The following KAZN variants were observed in gnomAD, a reference collection of about 807,000 sequenced individuals.
The protein encoded by KAZN is kazrin.
In KAZN, 40 loss-of-function variants were observed where a neutral mutation model predicts 87.4. The ratio of observed to expected loss-of-function variants is 0.46; its 90% CI spans 0.36 to 0.60. KAZN has a LOEUF of 0.60. Ranked by LOEUF, KAZN falls within the 20% of genes least tolerant of loss-of-function variation. The pLI, the probability that KAZN is intolerant of heterozygous loss-of-function variation, is 0.00. For synonymous variants in KAZN, 466 were observed against 458.3 expected (o/e 1.02, Z -0.22); for missense variants, 898 against 1,073.9 (o/e 0.84, Z 2.29).
chr1:14,286,806 T>C (rs936997345), intron 2 of KAZN, among the ~76,000 whole-genome samples: 3 of 152,156 alleles, frequency 2.0e-5, no homozygotes, highest in Admixed American at 2.0e-4. Context: ...CACTCATAAC[T>C]TGAATTTTCT....
chr1:14,466,685 A>C (rs1167804084), intron 2 of KAZN, among the ~76,000 whole-genome samples: 1 of 150,948 alleles, frequency 6.6e-6, no homozygotes, highest in Non-Finnish European at 1.5e-5. Flanking sequence ...AGAAGAAGAA[A>C]CGGCCAGGCG....
At chr1:14,261,600 A>C (rs1178826585) in intron 2 of KAZN, among the ~76,000 whole-genome samples, 1 of 152,160 alleles carries the variant, frequency 6.6e-6, no homozygotes, top group Non-Finnish European at 1.5e-5. Context: ...GGATGTGAGG[A>C]GGCGGAAAAA....
chr1:14,472,643 T>G (rs994092347), intron 2 of KAZN, among the ~76,000 whole-genome samples: 1 of 150,388 alleles, frequency 6.6e-6, no homozygotes, highest in African/African-American at 2.4e-5. Flanking sequence ...CAAAGAAGCT[T>G]CTTTTTTTTT....
chr1:14,694,765 G>A (rs754170791), intron 1 of KAZN, among the ~76,000 whole-genome samples: 1 of 152,162 alleles, frequency 6.6e-6, no homozygotes, highest in African/African-American at 2.4e-5. Context: ...GCTAATAATG[G>A]TGCCCTTCTT....
rs111308531 is a variant in KAZN, at chr1:14,073,405, A to AT, written c.92-107022dup. The stretch of plus-strand genomic sequence containing the variant: ...TATTATTTTACCTATCTTTAAAACA[A>AT]TTTTTTTTATTATACTTTAAGTTCT... On this transcript the variant is annotated intron_variant, in intron 1 of 16. Coordinates refer to the KAZN transcript ENST00000636203. Among the ~76,000 whole-genome samples the AT allele has an allele frequency of 4.2e-3, 640 of 152,114 alleles. 6 individuals are homozygous for AT. The highest frequency in any genetic ancestry group is 0.015 in the African/African-American group (607 of 41,486).
intron 4 of KAZN, among the ~76,000 whole-genome samples, chr1:15,046,591 A>G (rs534108401): frequency 6.6e-6 from 1 of 152,196 alleles, no homozygotes; most frequent in Admixed American, 6.5e-5. Flanking sequence ...AGCATTTGGC[A>G]CCGGGCCTGG....
At chr1:14,320,852 C>A (rs1655997976) in intron 2 of KAZN, among the ~76,000 whole-genome samples, 1 of 152,142 alleles carries the variant, frequency 6.6e-6, no homozygotes, top group South Asian at 2.1e-4. Context: ...AGTCACTCAG[C>A]TCTATAGTCC....
At chr1:14,406,694 T>C (rs1051496257) in intron 2 of KAZN, among the ~76,000 whole-genome samples, 1 of 152,056 alleles carries the variant, frequency 6.6e-6, no homozygotes, top group Non-Finnish European at 1.5e-5. Flanking sequence ...CTATGGAAAT[T>C]AAAAAATTAA....
chr1:14,906,585 C>T (rs944012640), intron 1 of KAZN, among the ~76,000 whole-genome samples: 5 of 151,640 alleles, frequency 3.3e-5, no homozygotes, highest in African/African-American at 1.2e-4. Flanking sequence ...AAAAGGGGCA[C>T]GTTGATATTT....
intron 1 of KAZN, among the ~76,000 whole-genome samples, chr1:14,934,810 C>G (rs1205946775): frequency 2.0e-5 from 3 of 152,190 alleles, no homozygotes; most frequent in Non-Finnish European, 4.4e-5. Context: ...CCTCCAGTCG[C>G]CCCCTCCATC....
intron 8 of KAZN, among the ~76,000 whole-genome samples, chr1:15,080,368 G>A (rs1236826856): frequency 6.6e-6 from 1 of 152,212 alleles, no homozygotes; most frequent in African/African-American, 2.4e-5. Context: ...GGCCTCCCAA[G>A]GGTGAGCCTG....
intron 2 of KAZN, among the ~76,000 whole-genome samples, chr1:14,283,630 T>A (rs762738196): frequency 2.0e-5 from 3 of 152,162 alleles, no homozygotes; most frequent in Non-Finnish European, 4.4e-5. Flanking sequence ...CCCTTATACG[T>A]TGCTGGTGGG....
At chr1:15,088,976 C>T (rs2100659921) in intron 8 of KAZN, among the ~76,000 whole-genome samples, 1 of 152,114 alleles carries the variant, frequency 6.6e-6, no homozygotes. Flanking sequence ...CACACACACT[C>T]ACAAAGACAC....
At chr1:14,529,303 T>TA (rs988684331) in intron 2 of KAZN, among the ~76,000 whole-genome samples, 2 of 152,154 alleles carry the variant, frequency 1.3e-5, no homozygotes, top group African/African-American at 4.8e-5. Context: ...AGTCTTCATC[T>TA]AAAAAATAAA....
chr1:13,925,288 T>C (rs897982802), intron 1 of KAZN, among the ~76,000 whole-genome samples: 11 of 151,540 alleles, frequency 7.3e-5, no homozygotes, highest in Non-Finnish European at 1.3e-4. Flanking sequence ...TTATGGCTGG[T>C]ATAGTTCTTT....
At chr1:15,027,070 C>CTTT (rs71000358) in intron 2 of KAZN, among the ~76,000 whole-genome samples, 730 of 56,110 alleles carry the variant, frequency 0.013, 127 homozygotes, top group African/African-American at 0.04. Flanking sequence ...GCCAGTGCTT[C>CTTT]TTTTTTTTTT....
intron 2 of KAZN, among the ~76,000 whole-genome samples, chr1:14,262,811 A>G (rs918091532): frequency 6.6e-6 from 1 of 152,244 alleles, no homozygotes; most frequent in African/African-American, 2.4e-5. Context: ...ACAAGAAGCC[A>G]TAATGAAATC....
intron 1 of KAZN, among the ~76,000 whole-genome samples, chr1:14,692,986 T>C (rs1020982072): frequency 2.0e-5 from 3 of 151,192 alleles, no homozygotes; most frequent in Non-Finnish European, 4.4e-5. Flanking sequence ...CAGGTCCTCA[T>C]AGCAATTTGA....
At chr1:14,559,581 C>T (rs529094867) in intron 2 of KAZN, among the ~76,000 whole-genome samples, 39 of 152,276 alleles carry the variant, frequency 2.6e-4, no homozygotes, top group Middle Eastern at 3.4e-3. Context: ...GGCCAGTAGA[C>T]GAAGAAGAAG....
Sources: gnomAD v4.1 joint callset for allele counts (sites outside exome capture counted in the v4.1 genomes callset) on GRCh38, gnomAD v4.1.1 for gene constraint, MANE v1.5 for transcripts, NCBI Gene and HGNC (gene_info 2026-07-23, HGNC 2026-07-21) for gene names.